TIAM1: variants seen among roughly 807,000 people sequenced by gnomAD.
TIAM1 encodes the protein rho guanine nucleotide exchange factor TIAM1.
Under a neutral mutation model 163.5 loss-of-function variants are expected in TIAM1, and 65 were observed. The ratio of observed to expected loss-of-function variants is 0.40; its 90% CI spans 0.33 to 0.49. The LOEUF is 0.49. Among genes scored for constraint, TIAM1 ranks in the 20% least tolerant of loss-of-function variants. The probability of loss-of-function intolerance (pLI) is 0.77; values close to 1 mark genes in which losing one functional copy is unlikely to be tolerated. For synonymous variants in TIAM1, 833 were observed against 810.1 expected, an observed-to-expected ratio of 1.03 and a Z score of -0.48; for missense variants, 1,789 against 2,044.7, an observed-to-expected ratio of 0.87 and a Z score of 2.41.
intron 14 of TIAM1, 27 bp downstream of exon 14, chr21:31,186,974 C>T: frequency 6.2e-7 from 1 of 1,604,534 alleles, no homozygotes; most frequent in South Asian, 1.1e-5. Flanking sequence ...TTAAGACAGA[C>T]AGACCAGCCC....
At chr21:31,294,861 G>A (rs928626118) in intron 2 of TIAM1, among the ~76,000 whole-genome samples, 1 of 152,172 alleles carries the variant, frequency 6.6e-6, no homozygotes, top group African/African-American at 2.4e-5. Context: ...CGGCCTGAAC[G>A]CATGTTGGCA....
In TIAM1 at chr21:31,121,973, C is replaced by G. The variant is rs78326077; in HGVS notation, c.4307-1136G>C. Among the ~76,000 whole-genome samples, 1,411 of 152,248 alleles carry G rather than the reference C, an allele frequency of 9.3e-3. 20 individuals are homozygous for G. The highest frequency in any genetic ancestry group is 0.031 in the African/African-American group (1,288 of 41,534). On this transcript the variant is annotated intron_variant, in intron 27 of 27. Transcript: ENST00000541036. Reference sequence around the variant, plus strand: ...TCAACGCCAACTGGGAGCTGCTTTCCTGAAACCTAAGCCCCAGAACCATCC... The same window carrying G: ...TCAACGCCAACTGGGAGCTGCTTTCGTGAAACCTAAGCCCCAGAACCATCC...
At chr21:31,342,398 TTC>T (rs1392143743) in intron 1 of TIAM1, among the ~76,000 whole-genome samples, 2 of 151,802 alleles carry the variant, frequency 1.3e-5, no homozygotes, top group Non-Finnish European at 2.9e-5. Context: ...AATTGCCACT[TTC>T]TCTCACATCT....
At chr21:31,232,013 C>CAAAAAAAA (rs201903436) in intron 6 of TIAM1, among the ~76,000 whole-genome samples, 1 of 139,148 alleles carries the variant, frequency 7.2e-6, no homozygotes. Context: ...CTCCATCTCA[C>CAAAAAAAA]AAAAAAAAAA....
At chr21:31,470,671 T>C (rs2045707755) in intron 1 of TIAM1, among the ~76,000 whole-genome samples, 1 of 152,236 alleles carries the variant, frequency 6.6e-6, no homozygotes, top group African/African-American at 2.4e-5. Flanking sequence ...TGTGTATGTG[T>C]GCATTTTTCT....
chr21:31,345,679 G>A (rs1027624106), upstream of TIAM1, among the ~76,000 whole-genome samples: 5 of 152,128 alleles, frequency 3.3e-5, no homozygotes, highest in South Asian at 2.1e-4. Context: ...GAATGGGCAC[G>A]GTGGCTCACG....
chr21:31,364,468 C>G (rs2147141651), intron 2 of TIAM1, among the ~76,000 whole-genome samples: 1 of 152,314 alleles, frequency 6.6e-6, no homozygotes, highest in East Asian at 1.9e-4. Flanking sequence ...AATGAGCCCC[C>G]AGCAACTGAA....
Position 31,210,033 on chromosome 21 carries a change from G to C in TIAM1, c.2388+12C>G. On this transcript the variant is annotated intron_variant, in intron 11 of 27. Transcript: ENST00000541036. ...GCTCTTCTTGGAGAAACAACCCAAA[G>C]CAGCTCCATACCTTGCAAATCAGCT... 6.2e-7 allele frequency: 1 copy of C among 1,609,336 alleles called. No homozygotes were observed. Among genetic ancestry groups the C allele is most frequent in the Non-Finnish European group, 8.5e-7 (1 of 1,178,012 alleles).
intron 2 of TIAM1, among the ~76,000 whole-genome samples, chr21:31,462,749 G>GT (rs1225762072): frequency 7.1e-4 from 15 of 21,126 alleles, no homozygotes; most frequent in Non-Finnish European, 1.6e-3. Flanking sequence ...TTTTTTTTTT[G>GT]TTTTTTTTTT....
At chr21:31,140,213 CCTACA>C (rs1568900518) in intron 22 of TIAM1, among the ~76,000 whole-genome samples, 1 of 152,120 alleles carries the variant, frequency 6.6e-6, no homozygotes, top group East Asian at 1.9e-4. Flanking sequence ...CTTTCTCTAG[CCTACA>C]CTAAACAACC....
chr21:31,407,919 T>C (rs2077276610), intron 2 of TIAM1, among the ~76,000 whole-genome samples: 1 of 152,126 alleles, frequency 6.6e-6, no homozygotes, highest in African/African-American at 2.4e-5. Context: ...ATAACAGGCG[T>C]CAGCCACCGG....
chr21:31,298,677 A>C (rs1410499535), intron 2 of TIAM1, among the ~76,000 whole-genome samples: 1 of 151,434 alleles, frequency 6.6e-6, no homozygotes, highest in African/African-American at 2.4e-5. Flanking sequence ...GACAGACGTC[A>C]TCCTTGGCTC....
chr21:31,531,305 T>C (rs1326136047), intron 1 of TIAM1, among the ~76,000 whole-genome samples: 1 of 152,122 alleles, frequency 6.6e-6, no homozygotes, highest in Non-Finnish European at 1.5e-5. Context: ...AACTGTAGGG[T>C]TGGCCCAGGT....
chr21:31,151,708 C>G (rs1260842433), intron 19 of TIAM1, among the ~76,000 whole-genome samples: 1 of 152,076 alleles, frequency 6.6e-6, no homozygotes, highest in African/African-American at 2.4e-5. Flanking sequence ...TAAGTATATG[C>G]AGCATATTCT....
In TIAM1 at chr21:31,186,877, A is replaced by T. The variant is rs2085330356; in HGVS notation, c.2662+124T>A. On this transcript the variant is annotated intron_variant, in intron 14 of 27. Transcript: ENST00000541036. ...ATGCATATTCCCTGGAAGGGTTTTC[A>T]ATGAGAAAATGTTCAAATACTTTCC... 4 of 822,918 alleles carry T rather than the reference A, an allele frequency of 4.9e-6. No homozygotes were observed. The South Asian group carries it at 4.9e-5, about 10-fold the overall frequency. 51.0% of individuals were successfully genotyped at this position (822,918 alleles called of 1,614,324 possible).
intron 25 of TIAM1, 152 bp downstream of exon 25, chr21:31,130,061 T>C (rs1363063606): frequency 4.2e-5 from 24 of 573,722 alleles, no homozygotes; most frequent in African/African-American, 1.1e-4. Flanking sequence ...TAAGAGGCAA[T>C]AGAGAGACCG....
chr21:31,300,891 C>T (rs558947518), intron 2 of TIAM1, among the ~76,000 whole-genome samples: 5 of 152,148 alleles, frequency 3.3e-5, no homozygotes, highest in African/African-American at 4.8e-5. Context: ...AAAAGTCACA[C>T]TTTTGAGGCA....
At chr21:31,295,827 T>A (rs2074238819) in intron 2 of TIAM1, among the ~76,000 whole-genome samples, 1 of 152,182 alleles carries the variant, frequency 6.6e-6, no homozygotes, top group Non-Finnish European at 1.5e-5. Flanking sequence ...TTTGTTTGTT[T>A]TTTGAGACGG....
intron 1 of TIAM1, among the ~76,000 whole-genome samples, chr21:31,483,711 C>CA: frequency 6.6e-6 from 1 of 152,230 alleles, no homozygotes; most frequent in Non-Finnish European, 1.5e-5. Flanking sequence ...TGCTTCATGA[C>CA]AGAGTCCGTG....
Sources: gnomAD v4.1 joint callset for allele counts (sites outside exome capture counted in the v4.1 genomes callset) on GRCh38, gnomAD v4.1.1 for gene constraint, MANE v1.5 for transcripts, NCBI Gene and HGNC (gene_info 2026-07-23, HGNC 2026-07-21) for gene names.